Variants in SHC4 observed in about 807,000 individuals in gnomAD.
SHC4 encodes SHC-transforming protein 4.
SHC4 carries 41 observed loss-of-function variants against 69.4 expected under a neutral mutation model. That is an observed-to-expected ratio of 0.59 (90% CI 0.46 to 0.77). The LOEUF (loss-of-function observed/expected upper bound fraction) is 0.77, where lower values mean the gene tolerates loss of function less well. Among genes scored for constraint, SHC4 ranks in the 30% least tolerant of loss-of-function variants. The pLI is 0.00. For synonymous variants in SHC4, 318 were observed against 299.3 expected (o/e 1.06, Z -0.64); for missense variants, 777 against 783.8 (o/e 0.99, Z 0.10).
At chr15:48,930,375 A>G (rs761070286) in intron 1 of SHC4, among the ~76,000 whole-genome samples, 1 of 152,246 alleles carries the variant, frequency 6.6e-6, no homozygotes, top group East Asian at 1.9e-4. Context: ...ATCTCTTTTT[A>G]TACATGGCTT....
At chr15:48,878,023 C>T in intron 4 of SHC4, 1 of 955,440 alleles carries the variant, frequency 1.0e-6, no homozygotes, top group Non-Finnish European at 1.5e-6. Context: ...CTACTCCAAC[C>T]ACAGTGGCGC....
intron 2 of SHC4, among the ~76,000 whole-genome samples, chr15:48,900,135 C>G (rs1471972714): frequency 6.6e-6 from 1 of 152,134 alleles, no homozygotes; most frequent in Non-Finnish European, 1.5e-5. Flanking sequence ...TCAATGTAGT[C>G]ACTCTATATT....
At chr15:48,854,973 T>C (rs1899283911) in intron 8 of SHC4, among the ~76,000 whole-genome samples, 2 of 152,018 alleles carry the variant, frequency 1.3e-5, no homozygotes, top group Admixed American at 6.6e-5. Context: ...AAATAAAAAT[T>C]GAATTTAGTA....
chr15:48,915,285 CCT>C (rs1900598541), intron 2 of SHC4, among the ~76,000 whole-genome samples: 5 of 152,046 alleles, frequency 3.3e-5, no homozygotes, highest in African/African-American at 1.2e-4. Context: ...GCTTTCATAC[CCT>C]CTCTGTCTGC....
rs1330781975 is a variant in SHC4, at chr15:48,824,960, T to C, written c.*1011A>G. The C allele has an allele frequency of 6.6e-6, 1 of 152,470 alleles. No individual in the cohort carries two copies. Among genetic ancestry groups the C allele is most frequent in the Non-Finnish European group, 1.5e-5 (1 of 68,022 alleles). The allele number at this position is 152,470 out of a possible 1,614,324, so 9.4% of individuals were successfully genotyped here. On this transcript the variant is annotated 3_prime_UTR_variant, in exon 12 of 12. Transcript: ENST00000332408. ...TTTCCTTCTGCATTTTGTCTGATCA[T>C]ATCTATACGAGGTGCTAAGGATATA...
At chr15:48,940,612 T>G (rs1901157256) in intron 1 of SHC4, among the ~76,000 whole-genome samples, 1 of 152,218 alleles carries the variant, frequency 6.6e-6, no homozygotes, top group South Asian at 2.1e-4. Flanking sequence ...TGGTCAAAGT[T>G]GATGTCCCTA....
Position 48,928,114 on chromosome 15 carries a change from C to G in SHC4, c.586-3165G>C, listed in dbSNP as rs192355347. On this transcript the variant is annotated intron_variant, in intron 1 of 11. Transcript: ENST00000332408. ...AGGGAGGTGAAGGCTTGGCTGGTCT[C>G]TCCACCCAGGAGTACAAGAGCACCC... Among the ~76,000 whole-genome samples the G allele has an allele frequency of 1.8e-3, 270 of 152,262 alleles. 2 individuals carry two copies. The highest frequency in any genetic ancestry group is 1.5e-3 in the Non-Finnish European group (104 of 68,032).
intron 2 of SHC4, among the ~76,000 whole-genome samples, chr15:48,904,509 G>C (rs1900372061): frequency 6.6e-6 from 1 of 152,158 alleles, no homozygotes; most frequent in African/African-American, 2.4e-5. Context: ...CCCTTCATCT[G>C]AATCAACTTG....
At chr15:48,955,748 C>T (rs574242768) in intron 1 of SHC4, among the ~76,000 whole-genome samples, 11 of 152,170 alleles carry the variant, frequency 7.2e-5, no homozygotes, top group African/African-American at 2.2e-4. Context: ...AAAAAGCACA[C>T]GCAGCATTTT....
At chr15:48,913,427 C>A (rs370078738) in intron 2 of SHC4, among the ~76,000 whole-genome samples, 1 of 151,998 alleles carries the variant, frequency 6.6e-6, no homozygotes, top group Non-Finnish European at 1.5e-5. Context: ...ACCGAAGGTC[C>A]GGTTTAACTC....
chr15:48,959,438 C>T (rs542582475), intron 1 of SHC4, among the ~76,000 whole-genome samples: 20 of 152,196 alleles, frequency 1.3e-4, no homozygotes, highest in Non-Finnish European at 2.2e-4. Context: ...GTTCCTGCTG[C>T]ATAATTGATT....
intron 4 of SHC4, chr15:48,877,632 T>C (rs1462520194): frequency 1.1e-5 from 10 of 895,784 alleles, no homozygotes; most frequent in South Asian, 1.0e-4. Flanking sequence ...ATTTCTTCAC[T>C]ATAACTAAAA....
chr15:48,900,366 A>C (rs1217333814), intron 2 of SHC4, among the ~76,000 whole-genome samples: 1 of 151,924 alleles, frequency 6.6e-6, no homozygotes, highest in Non-Finnish European at 1.5e-5. Flanking sequence ...AAGTAGCCGG[A>C]AGTGGTGGTG....
At chr15:48,957,001 A>G (rs563009457) in intron 1 of SHC4, among the ~76,000 whole-genome samples, 181 of 107,938 alleles carry the variant, frequency 1.7e-3, no homozygotes, top group Admixed American at 0.011. Flanking sequence ...TTTTTGAGAC[A>G]GAGTCTTGCT....
At chr15:48,853,336 T>C (rs1174657206) in intron 8 of SHC4, among the ~76,000 whole-genome samples, 2 of 152,084 alleles carry the variant, frequency 1.3e-5, no homozygotes. Flanking sequence ...AAATCACAGA[T>C]GACACAAATG....
chr15:48,849,687 T>G (rs1336656309), intron 9 of SHC4, among the ~76,000 whole-genome samples: 1 of 152,196 alleles, frequency 6.6e-6, no homozygotes, highest in Non-Finnish European at 1.5e-5. Context: ...GGTACGTTCC[T>G]GACTATTAAA....
At chr15:48,871,688 T>G (rs1899681041) in intron 5 of SHC4, among the ~76,000 whole-genome samples, 1 of 152,196 alleles carries the variant, frequency 6.6e-6, no homozygotes, top group South Asian at 2.1e-4. Context: ...ATATATCAAG[T>G]CCAGTTGATT....
At chr15:48,921,624 C>A (rs1340807869) in intron 2 of SHC4, among the ~76,000 whole-genome samples, 1 of 152,188 alleles carries the variant, frequency 6.6e-6, no homozygotes, top group Admixed American at 6.5e-5. Context: ...TGAGCCACCA[C>A]GCCTGGCCAG....
At position 48,869,768 on chromosome 15, in the gene SHC4, A is replaced by T. The variant is rs189489921; in HGVS notation, c.895-1899T>A. On this transcript the variant is annotated intron_variant, in intron 5 of 11. Transcript: ENST00000332408. Reference sequence around the variant, plus strand: ...TAGGGTGGCTCCAGACTTCTATTTTACTAGACAGGTGCTTTAACCAACCAA... The same window carrying T: ...TAGGGTGGCTCCAGACTTCTATTTTTCTAGACAGGTGCTTTAACCAACCAA... Among the ~76,000 whole-genome samples, 78 of 152,300 alleles carry T rather than the reference A, an allele frequency of 5.1e-4. 2 individuals are homozygous for T. The East Asian group carries it at 0.011, about 21-fold the overall frequency.
Sources: gnomAD v4.1 joint callset for allele counts (sites outside exome capture counted in the v4.1 genomes callset) on GRCh38, gnomAD v4.1.1 for gene constraint, MANE v1.5 for transcripts, NCBI Gene and HGNC (gene_info 2026-07-23, HGNC 2026-07-21) for gene names.